The following ZNF705B variants were observed in gnomAD, a reference collection of about 807,000 sequenced individuals.
The protein encoded by ZNF705B is zinc finger protein 705B, also known as Putative zinc finger protein 705D-like protein LOC100132396.
A neutral mutation model predicts 10.5 loss-of-function variants in ZNF705B; 1 was observed. The ratio of observed to expected loss-of-function variants is 0.10; its 90% CI spans 0.03 to 0.45. The LOEUF (loss-of-function observed/expected upper bound fraction) is 0.45, where lower values mean the gene tolerates loss of function less well. ZNF705B is among the 20% of genes least tolerant of loss of function. ZNF705B has a pLI of 0.97. For missense variants in ZNF705B, 14 were observed against 84.0 expected, an observed-to-expected ratio of 0.17 and a Z score of 3.26; for synonymous variants, 4 against 25.4, an observed-to-expected ratio of 0.16 and a Z score of 2.53.
At chr8:7,937,152 C>T (rs1316013105) in intron 2 of ZNF705B, among the ~76,000 whole-genome samples, 2 of 115,460 alleles carry the variant, frequency 1.7e-5, no homozygotes, top group African/African-American at 5.2e-5. Context: ...AAGAAACTTG[C>T]CCAAGATTAC....
intron 1 of ZNF705B, among the ~76,000 whole-genome samples, chr8:7,927,767 A>C (rs1316225870): frequency 4.7e-5 from 7 of 147,910 alleles, no homozygotes; most frequent in African/African-American, 1.5e-4. Context: ...TTTTATTCTT[A>C]GGTACAAAAA....
intron 2 of ZNF705B, among the ~76,000 whole-genome samples, chr8:7,940,242 C>G (rs986930213): frequency 1.4e-5 from 2 of 147,784 alleles, no homozygotes; most frequent in Admixed American, 1.4e-4. Flanking sequence ...GTTTTTTAAC[C>G]AACCCCCTCT....
At position 7,929,860 on chromosome 8, in the gene ZNF705B, C is replaced by T. The variant is rs375283180; in HGVS notation, c.-221-427C>T. Among the ~76,000 whole-genome samples the T allele has an allele frequency of 9.9e-3, 400 of 40,568 alleles. 1 individual carries two copies. Among genetic ancestry groups the T allele is most frequent in the East Asian group, 0.045 (47 of 1,046 alleles). 26.6% of individuals were successfully genotyped at this position (40,568 alleles called of 152,430 possible). A position where few individuals can be genotyped will look rare whatever the true frequency, so the allele number is the denominator to read the frequency against. The stretch of plus-strand genomic sequence containing the variant: ...CACTTTTGTATCACGCCCTTGTGTG[C>T]TTAGCCACATACATGTAGAAATTGG... On this transcript the variant is annotated intron_variant, in intron 1 of 6. Transcript: ENST00000400120.
intron 2 of ZNF705B, among the ~76,000 whole-genome samples, chr8:7,935,794 C>A (rs1475627861): frequency 1.1e-5 from 1 of 90,742 alleles, no homozygotes; most frequent in African/African-American, 2.8e-5. Context: ...TAGAAACAAG[C>A]TGAAATCTGA....
intron 1 of ZNF705B, among the ~76,000 whole-genome samples, chr8:7,928,136 A>T (rs9650626): frequency 0.94 from 105,785 of 112,534 alleles, 49,727 homozygotes; most frequent in East Asian, 1. Context: ...CTTCTCTGTG[A>T]TGTTATGTGG....
At chr8:7,933,064 T>C (rs2128942347) in intron 2 of ZNF705B, among the ~76,000 whole-genome samples, 1 of 119,452 alleles carries the variant, frequency 8.4e-6, no homozygotes, top group African/African-American at 2.5e-5. Context: ...TCCTGTGAAA[T>C]TAAGGCTGTT....
rs1820035755 is a variant in ZNF705B at position 7,937,084 on chromosome 8, A to G, written c.-72+6648A>G. 2.6e-5 allele frequency among the ~76,000 whole-genome samples: 3 copies of G among 115,446 alleles called. No individual in the cohort carries two copies. In the Admixed American group the frequency reaches 3.1e-4, roughly 12 times the overall value. 75.7% of individuals were successfully genotyped at this position (115,446 alleles called of 152,430 possible). On this transcript the variant is annotated intron_variant, in intron 2 of 6. Coordinates refer to ENST00000400120, the MANE Select transcript of ZNF705B (RefSeq NM_001193630.1). ...AACAAAAGATAGAGTTACAATGAAC[A>G]TAGGCTGTCTTGTCTAGTCACCTAC...
chr8:7,929,073 C>A (rs186280004), intron 1 of ZNF705B, among the ~76,000 whole-genome samples: 1 of 121,240 alleles, frequency 8.2e-6, no homozygotes, highest in Non-Finnish European at 2.0e-5. Flanking sequence ...ACTATGTGTA[C>A]CCCAAAAACT....
At chr8:7,936,315 C>A (rs35957899) in intron 2 of ZNF705B, among the ~76,000 whole-genome samples, 27,347 of 117,218 alleles carry the variant, frequency 0.23, 4,013 homozygotes, top group East Asian at 0.46. Context: ...TATTTTCAAA[C>A]CACTTTTCGA....
chr8:7,929,740 G>A (rs1339125783), intron 1 of ZNF705B, among the ~76,000 whole-genome samples: 2 of 114,374 alleles, frequency 1.7e-5, no homozygotes, highest in Non-Finnish European at 4.2e-5. Flanking sequence ...ACTTTGAGTG[G>A]AGTCATTTGC....
At chr8:7,934,721 T>TGTGTGTGTGTGTGTG (rs1211087723) in intron 2 of ZNF705B, 23 of 108,844 alleles carry the variant, frequency 2.1e-4, no homozygotes, top group African/African-American at 6.8e-4. Context: ...TGTGTGTGTG[T>TGTGTGTGTGTGTGTG]TATTTGATTT....
At chr8:7,930,862 T>A (rs1265809411) in intron 2 of ZNF705B, among the ~76,000 whole-genome samples, 1 of 128,912 alleles carries the variant, frequency 7.8e-6, no homozygotes, top group Non-Finnish European at 1.8e-5. Flanking sequence ...TTTTTTGTTG[T>A]TGTTGTTGTT....
intron 2 of ZNF705B, among the ~76,000 whole-genome samples, chr8:7,940,995 C>A (rs1401658265): frequency 5.4e-5 from 8 of 149,082 alleles, no homozygotes; most frequent in Middle Eastern, 3.6e-3. Flanking sequence ...CAGCTCCATT[C>A]ATGTTCCTGC....
intron 1 of ZNF705B, among the ~76,000 whole-genome samples, chr8:7,927,088 G>A (rs1819711371): frequency 8.4e-6 from 1 of 118,848 alleles, no homozygotes; most frequent in African/African-American, 2.5e-5. Context: ...GAGTGACAGA[G>A]GAGTTTCTAT....
chr8:7,930,769 A>G (rs1819820301), intron 2 of ZNF705B, among the ~76,000 whole-genome samples: 1 of 116,152 alleles, frequency 8.6e-6, no homozygotes, highest in South Asian at 3.1e-4. Context: ...CGACAACACT[A>G]ATACTAATAA....
Position 7,926,990 on chromosome 8 carries a change from C to A in ZNF705B, c.-222+593C>A, listed in dbSNP as rs1339200135. On this transcript the variant is annotated intron_variant, in intron 1 of 6. Coordinates refer to ENST00000400120, the MANE Select transcript of ZNF705B (RefSeq NM_001193630.1). ...GCATTGACTTGCTCAGAGAAAATAT[C>A]TATCTCATATAAAAGTTATGTCAAC... 2.3e-4 allele frequency among the ~76,000 whole-genome samples: 27 copies of A among 118,068 alleles called. 3 individuals are homozygous for A. Among genetic ancestry groups the A allele is most frequent in the African/African-American group, 5.8e-4 (23 of 39,378 alleles). 77.5% of individuals were successfully genotyped at this position (118,068 alleles called of 152,430 possible). A position where few individuals can be genotyped will look rare whatever the true frequency, so the allele number is the denominator to read the frequency against.
chr8:7,933,086 C>A (rs1819896110), intron 2 of ZNF705B, among the ~76,000 whole-genome samples: 2 of 117,568 alleles, frequency 1.7e-5, no homozygotes, highest in African/African-American at 5.1e-5. Context: ...ATCAGCTGAC[C>A]TTAAAATAGG....
intron 2 of ZNF705B, among the ~76,000 whole-genome samples, chr8:7,936,922 T>G (rs1159364379): frequency 8.3e-6 from 1 of 120,010 alleles, no homozygotes; most frequent in African/African-American, 2.6e-5. Flanking sequence ...AAAATTATGA[T>G]GTACCATTGT....
At chr8:7,937,278 A>G (rs1342562999) in intron 2 of ZNF705B, among the ~76,000 whole-genome samples, 1 of 116,138 alleles carries the variant, frequency 8.6e-6, no homozygotes. Flanking sequence ...CTAGCCTTCT[A>G]CAAAAAGTTG....
Sources: gnomAD v4.1 joint callset for allele counts (sites outside exome capture counted in the v4.1 genomes callset) on GRCh38, gnomAD v4.1.1 for gene constraint, MANE v1.5 for transcripts, NCBI Gene and HGNC (gene_info 2026-07-23, HGNC 2026-07-21) for gene names.